ENPP3: variants seen among roughly 807,000 people sequenced by gnomAD.
ENPP3 encodes the protein ectonucleotide pyrophosphatase/phosphodiesterase 3.
ENPP3 carries 104 observed loss-of-function variants against 117.8 expected under a neutral mutation model. The observed-to-expected ratio is 0.88, with a 90% CI of 0.75 to 1.04. ENPP3 has a LOEUF of 1.04. Among genes scored for constraint, ENPP3 ranks in the 50% least tolerant of loss-of-function variants. ENPP3 has a pLI of 0.00. For missense variants in ENPP3, 1,026 were observed against 1,051.9 expected (o/e 0.98, Z 0.34); for synonymous variants, 380 against 349.9 (o/e 1.09, Z -0.96).
chr6:131,724,135 A>T, intron 19 of ENPP3, 44 bp downstream of exon 19: 1 of 1,375,016 alleles, frequency 7.3e-7, no homozygotes, highest in East Asian at 2.3e-5. Context: ...ATTTAGACCT[A>T]ACAAAACACA....
intron 23 of ENPP3, among the ~76,000 whole-genome samples, chr6:131,738,483 T>TA (rs1288909632): frequency 2.0e-5 from 3 of 149,694 alleles, no homozygotes; most frequent in South Asian, 2.1e-4. Context: ...TCAATGAGTA[T>TA]AAAACCAATC....
chr6:131,697,030 G>A (rs980346560), intron 15 of ENPP3, among the ~76,000 whole-genome samples: 2 of 152,144 alleles, frequency 1.3e-5, no homozygotes, highest in Non-Finnish European at 2.9e-5. Flanking sequence ...TGGTCTCCCA[G>A]TGCCGGGATT....
At chr6:131,725,482 G>T (rs113714773) in intron 19 of ENPP3, among the ~76,000 whole-genome samples, 1 of 152,130 alleles carries the variant, frequency 6.6e-6, no homozygotes, top group Non-Finnish European at 1.5e-5. Flanking sequence ...CCCTAATCCT[G>T]CTCATGGGGG....
At chr6:131,698,517 T>C (rs1177327525) in intron 15 of ENPP3, among the ~76,000 whole-genome samples, 1 of 21,618 alleles carries the variant, frequency 4.6e-5, no homozygotes, top group Non-Finnish European at 9.6e-5. Context: ...GTTAGTTCCA[T>C]ACAGTGTGAT....
intron 15 of ENPP3, among the ~76,000 whole-genome samples, chr6:131,717,029 G>A (rs1779906429): frequency 6.6e-6 from 1 of 151,776 alleles, no homozygotes; most frequent in Admixed American, 6.6e-5. Context: ...AATTTTATTG[G>A]CATTAACTAA....
intron 2 of ENPP3, among the ~76,000 whole-genome samples, chr6:131,646,274 C>CTGTGTGTG (rs34014584): frequency 0.035 from 5,108 of 145,532 alleles, 288 homozygotes; most frequent in African/African-American, 0.12. Flanking sequence ...TCTCAATACT[C>CTGTGTGTG]TGTGTGTGTG....
chr6:131,677,111 T>C (rs1420749379), intron 10 of ENPP3, among the ~76,000 whole-genome samples: 1 of 152,014 alleles, frequency 6.6e-6, no homozygotes. Flanking sequence ...TGGTACGCAG[T>C]TGTAGTCCTA....
At chr6:131,687,933 G>A (rs1440774406) in intron 14 of ENPP3, among the ~76,000 whole-genome samples, 1 of 152,040 alleles carries the variant, frequency 6.6e-6, no homozygotes, top group Non-Finnish European at 1.5e-5. Flanking sequence ...GGCTTACCTT[G>A]CTTCACTGCA....
chr6:131,682,652 A>C (rs1482718669), intron 11 of ENPP3, among the ~76,000 whole-genome samples: 1 of 152,188 alleles, frequency 6.6e-6, no homozygotes, highest in Non-Finnish European at 1.5e-5. Flanking sequence ...TGCTCTTTTT[A>C]ACTCCCTGGA....
At chr6:131,725,086 G>A (rs1012302323) in intron 19 of ENPP3, among the ~76,000 whole-genome samples, 34 of 151,214 alleles carry the variant, frequency 2.2e-4, no homozygotes, top group African/African-American at 8.3e-4. Context: ...AGTTGGGCAT[G>A]ATGGTGCACC....
At chr6:131,647,892 A>C (rs1440101227) in intron 2 of ENPP3, among the ~76,000 whole-genome samples, 4 of 152,152 alleles carry the variant, frequency 2.6e-5, no homozygotes, top group African/African-American at 7.2e-5. Flanking sequence ...CCTCCTCAGA[A>C]ATAGCTAAGA....
intron 6 of ENPP3, 87 bp downstream of exon 6, chr6:131,658,507 T>G: frequency 1.4e-6 from 1 of 736,500 alleles, no homozygotes; most frequent in East Asian, 2.6e-5. Context: ...TTCTGACTTT[T>G]AACGCTGGTG....
chr6:131,717,262 T>G (rs971601926), intron 15 of ENPP3, among the ~76,000 whole-genome samples: 3 of 152,162 alleles, frequency 2.0e-5, no homozygotes, highest in Non-Finnish European at 4.4e-5. Flanking sequence ...GTTATGAATT[T>G]TTTTAATGTT....
chr6:131,676,113 G>T (rs1353194022), intron 9 of ENPP3, among the ~76,000 whole-genome samples: 2 of 152,034 alleles, frequency 1.3e-5, no homozygotes, highest in African/African-American at 2.4e-5. Flanking sequence ...GAGATGATTT[G>T]CTCCATGGAT....
chr6:131,731,754 G>A (rs1490282804), intron 20 of ENPP3, among the ~76,000 whole-genome samples: 1 of 152,184 alleles, frequency 6.6e-6, no homozygotes, highest in East Asian at 1.9e-4. Context: ...TTGGTAGTCA[G>A]TGTTTACTGG....
At chr6:131,648,395 A>G (rs950895253) in intron 2 of ENPP3, among the ~76,000 whole-genome samples, 1 of 151,738 alleles carries the variant, frequency 6.6e-6, no homozygotes, top group Non-Finnish European at 1.5e-5. Flanking sequence ...TTTTTTGTAT[A>G]TGTTGTGAGG....
chr6:131,740,182 A>C, intron 23 of ENPP3, 42 bp from the exon 24 acceptor site: 1 of 1,453,388 alleles, frequency 6.9e-7, no homozygotes, highest in Non-Finnish European at 9.2e-7. Context: ...TAGAAACAAA[A>C]GTATAATAAC....
chr6:131,653,746 A>G (rs1343571048), intron 5 of ENPP3, among the ~76,000 whole-genome samples: 1 of 152,052 alleles, frequency 6.6e-6, no homozygotes, highest in South Asian at 2.1e-4. Flanking sequence ...GGCACCTCAA[A>G]TTTCTTCCTT....
chr6:131,674,072 G>C, intron 7 of ENPP3, 90 bp from the exon 8 acceptor site: 1 of 759,890 alleles, frequency 1.3e-6, no homozygotes, highest in Non-Finnish European at 2.1e-6. Flanking sequence ...ACCTTTCTTA[G>C]GTATGAGTAA....
Sources: allele counts gnomAD v4.1 joint callset (sites outside exome capture counted in the v4.1 genomes callset), GRCh38; gene constraint gnomAD v4.1.1; transcripts MANE v1.5; gene names NCBI Gene and HGNC (gene_info 2026-07-23, HGNC 2026-07-21).